Variants in ANKRD27 observed in about 807,000 individuals in gnomAD.
ANKRD27 encodes the protein ankyrin repeat domain-containing protein 27.
Under a neutral mutation model 129.7 loss-of-function variants are expected in ANKRD27, and 112 were observed. The ratio of observed to expected loss-of-function variants is 0.86; its 90% CI spans 0.74 to 1.01. The LOEUF (loss-of-function observed/expected upper bound fraction) is 1.01. ANKRD27 is among the 50% of genes least tolerant of loss of function. The pLI is 0.00. For missense variants in ANKRD27, 1,258 were observed against 1,300.5 expected (o/e 0.97, Z 0.50); for synonymous variants, 516 against 511.2 (o/e 1.01, Z -0.13).
intron 20 of ANKRD27, among the ~76,000 whole-genome samples, chr19:32,618,576 C>A (rs1971958908): frequency 6.6e-6 from 1 of 152,084 alleles, no homozygotes; most frequent in African/African-American, 2.4e-5. Flanking sequence ...TGGACCATGT[C>A]TCTTGGCTGT....
chr19:32,621,734 C>T (rs900423281), intron 18 of ANKRD27, among the ~76,000 whole-genome samples: 1 of 152,186 alleles, frequency 6.6e-6, no homozygotes, highest in Non-Finnish European at 1.5e-5. Flanking sequence ...CTCAGGGGAG[C>T]CTCAGCTTGC....
At chr19:32,656,071 G>GAA (rs200168921) in intron 2 of ANKRD27, among the ~76,000 whole-genome samples, 1 of 27,588 alleles carries the variant, frequency 3.6e-5, no homozygotes, top group Non-Finnish European at 1.5e-4. Flanking sequence ...AAGAAAGAAA[G>GAA]AAAGAAAGAA....
rs200880746 is a variant in ANKRD27, at chr19:32,615,736, C to T, written c.2097G>A (p.Ala699=). 186 of 1,614,132 alleles carry T rather than the reference C, an allele frequency of 1.2e-4. No homozygotes were observed. The East Asian group carries it at 3.2e-3, about 28-fold the overall frequency. Residue 699 remains alanine (A), a synonymous_variant, in exon 22 of 29, where the codon GCG becomes GCA. Coordinates refer to ENST00000306065, the MANE Select transcript of ANKRD27 (RefSeq NM_032139.3). Reference sequence around the variant, plus strand: ...GGTCCGCTGCACTGACAGTGTCCTCCGCATCCTCCAGGTCCTCCTCTGTCC... The same window carrying T: ...GGTCCGCTGCACTGACAGTGTCCTCTGCATCCTCCAGGTCCTCCTCTGTCC... ...LEWTEEDLED[A]EDTVSAADPE...
At chr19:32,627,415 T>C (rs1262485888) in intron 15 of ANKRD27, among the ~76,000 whole-genome samples, 2 of 132,072 alleles carry the variant, frequency 1.5e-5, no homozygotes, top group Non-Finnish European at 3.3e-5. Flanking sequence ...TATTTATTTT[T>C]TGAGACAGAG....
At chr19:32,641,998 G>T in intron 10 of ANKRD27, 26 bp downstream of exon 10, 1 of 1,554,150 alleles carries the variant, frequency 6.4e-7, no homozygotes, top group Non-Finnish European at 8.7e-7. Context: ...TCTACCCCTT[G>T]GCCAGTCCCC....
chr19:32,637,643 A>T (rs1367257561), intron 12 of ANKRD27: 1 of 152,350 alleles, frequency 6.6e-6, no homozygotes, highest in African/African-American at 2.4e-5. Flanking sequence ...TCTCCTACTG[A>T]GCTGGCAGGG....
chr19:32,621,496 T>C (rs1243646945), intron 18 of ANKRD27, among the ~76,000 whole-genome samples: 1 of 152,028 alleles, frequency 6.6e-6, no homozygotes, highest in Non-Finnish European at 1.5e-5. Flanking sequence ...GGTGTGGTGG[T>C]GGGCACCTGT....
rs1446435831 is a variant in ANKRD27 at position 32,600,036 on chromosome 19, AC to A, written c.2781del (p.Tyr928MetfsTer39). ...VKIRKKWNSK[L>X]YDLPDEPFTR... ...GTAAAAGGCTCATCTGGTAGATCAT[AC>A]AGTTTTGAGTTCCCTGTAGATAAAA... On this transcript the variant is annotated frameshift_variant, in exon 27 of 29. Coordinates refer to ENST00000306065, the MANE Select transcript of ANKRD27 (RefSeq NM_032139.3). LOFTEE classifies it high-confidence loss of function. 6.2e-7 allele frequency: 1 copy of A among 1,612,548 alleles called. No homozygotes were observed. Among genetic ancestry groups the A allele is most frequent in the South Asian group, 1.1e-5 (1 of 90,964 alleles).
intron 12 of ANKRD27, among the ~76,000 whole-genome samples, chr19:32,632,141 T>A (rs960845148): frequency 6.8e-6 from 1 of 147,858 alleles, no homozygotes; most frequent in Non-Finnish European, 1.5e-5. Flanking sequence ...CACAAAAAAT[T>A]AGCAGGGCAT....
chr19:32,639,073 C>T, intron 12 of ANKRD27: 1 of 452,042 alleles, frequency 2.2e-6, no homozygotes, highest in African/African-American at 2.0e-5. Context: ...TTCCCTACTT[C>T]TGGCTTCCCT....
intron 1 of ANKRD27, among the ~76,000 whole-genome samples, chr19:32,664,229 C>G (rs1357017525): frequency 1.3e-5 from 2 of 152,002 alleles, no homozygotes; most frequent in Non-Finnish European, 2.9e-5. Context: ...TCTCAGCTCA[C>G]CACAGCCCTG....
intron 23 of ANKRD27, among the ~76,000 whole-genome samples, chr19:32,607,221 TCCTTGAGCCCCTCTATGGGGC>T (rs1193922286): frequency 3.3e-5 from 5 of 151,576 alleles, no homozygotes; most frequent in Non-Finnish European, 5.9e-5. Context: ...TCAAAATTCT[TCCTTGAGCCCCTCTATGGGGC>T]CCTGACTGTT....
chr19:32,639,161 C>A, intron 12 of ANKRD27, 195 bp downstream of exon 12: 1 of 611,020 alleles, frequency 1.6e-6, no homozygotes, highest in South Asian at 2.2e-5. Context: ...TGATAACCCA[C>A]CAATTTTTAC....
intron 1 of ANKRD27, among the ~76,000 whole-genome samples, chr19:32,670,450 G>C (rs1376874647): frequency 3.6e-5 from 5 of 137,832 alleles, no homozygotes; most frequent in Admixed American, 1.4e-4. Flanking sequence ...GAGGCGGGCG[G>C]ATCACCTGAG....
intron 2 of ANKRD27, among the ~76,000 whole-genome samples, chr19:32,652,529 C>A (rs937151967): frequency 6.6e-6 from 1 of 152,010 alleles, no homozygotes; most frequent in African/African-American, 2.4e-5. Flanking sequence ...GAGCCGAGAT[C>A]GCACCACTGC....
At chr19:32,620,149 G>T (rs1213214035) in intron 18 of ANKRD27, among the ~76,000 whole-genome samples, 1 of 152,016 alleles carries the variant, frequency 6.6e-6, no homozygotes, top group Non-Finnish European at 1.5e-5. Flanking sequence ...TATTCAGGGG[G>T]TACAGCCGGA....
chr19:32,672,644 T>C (rs1967893765), intron 1 of ANKRD27: 1 of 152,366 alleles, frequency 6.6e-6, no homozygotes, highest in Non-Finnish European at 1.5e-5. Context: ...ATAGCTGGAA[T>C]GGGCAGGGCT....
rs1024121471 is a variant in ANKRD27, at chr19:32,611,636, C to T, written c.2176-3804G>A. The stretch of plus-strand genomic sequence containing the variant: ...CACTCTTGTTCCCCAGGCTAGAGTG[C>T]AATGGCACGATCTCGGCTCACCGCA... On this transcript the variant is annotated intron_variant, in intron 22 of 28. Transcript: ENST00000306065. Among the ~76,000 whole-genome samples the T allele has an allele frequency of 5.9e-5, 9 of 152,198 alleles. No individual in the cohort carries two copies. In the East Asian group the frequency reaches 1.7e-3, roughly 29 times the overall value.
In ANKRD27 at chr19:32,639,461, G is replaced by A; in HGVS notation, c.1011C>T (p.Asn337=). The A allele has an allele frequency of 6.2e-7, 1 of 1,613,400 alleles. No individual in the cohort carries two copies. The highest frequency in any genetic ancestry group is 2.2e-5 in the East Asian group (1 of 44,868). Residue 337 remains asparagine (N), a synonymous_variant, in exon 12 of 29, where the codon AAC becomes AAT. Coordinates refer to ENST00000306065, the MANE Select transcript of ANKRD27 (RefSeq NM_032139.3). ...NWMANLSYIK[N]FRFSSLAKDE... ...CCTTTGCCAAGCTGCTAAACCTGAA[G>A]TTTTTGATGTAACTCAAATTTGCCA... is the stretch of plus-strand genomic sequence containing the variant.
Sources: gnomAD v4.1 joint callset for allele counts (sites outside exome capture counted in the v4.1 genomes callset) on GRCh38, gnomAD v4.1.1 for gene constraint, MANE v1.5 for transcripts, NCBI Gene and HGNC (gene_info 2026-07-23, HGNC 2026-07-21) for gene names.